DPP10: variants seen among roughly 807,000 people sequenced by gnomAD.
The protein encoded by DPP10 is inactive dipeptidyl peptidase 10.
Under a neutral mutation model 120.9 loss-of-function variants are expected in DPP10, and 33 were observed. The ratio of observed to expected loss-of-function variants is 0.27; its 90% CI spans 0.21 to 0.37. The LOEUF (loss-of-function observed/expected upper bound fraction) is 0.37, where lower values mean the gene tolerates loss of function less well. DPP10 is among the 10% of genes least tolerant of loss of function. DPP10 has a pLI of 1.00. For missense variants in DPP10, 816 were observed against 942.8 expected (o/e 0.87, Z 1.76); for synonymous variants, 337 against 326.1 (o/e 1.03, Z -0.36).
At chr2:115,667,309 T>C (rs1207883321) in intron 5 of DPP10, among the ~76,000 whole-genome samples, 1 of 152,132 alleles carries the variant, frequency 6.6e-6, no homozygotes, top group Non-Finnish European at 1.5e-5. Flanking sequence ...GTTGTTTGTG[T>C]GTGAATAGTT....
At chr2:114,487,597 ATT>A (rs1681623464) in intron 1 of DPP10, among the ~76,000 whole-genome samples, 1 of 152,184 alleles carries the variant, frequency 6.6e-6, no homozygotes, top group African/African-American at 2.4e-5. Flanking sequence ...ATAAAATGTG[ATT>A]TTAAATTTTA....
intron 1 of DPP10, among the ~76,000 whole-genome samples, chr2:114,570,677 A>G (rs1312674031): frequency 6.6e-6 from 1 of 151,248 alleles, no homozygotes; most frequent in Non-Finnish European, 1.5e-5. Context: ...AATACAAAAA[A>G]AAAAAATTAG....
intron 1 of DPP10, among the ~76,000 whole-genome samples, chr2:114,540,163 A>C (rs1354008678): frequency 2.0e-5 from 3 of 152,252 alleles, no homozygotes; most frequent in Admixed American, 6.5e-5. Context: ...TAAGGTATCA[A>C]ATGCAAAGTG....
chr2:114,774,966 A>G (rs1265014288), intron 1 of DPP10, among the ~76,000 whole-genome samples: 3 of 151,938 alleles, frequency 2.0e-5, no homozygotes, highest in Non-Finnish European at 2.9e-5. Context: ...TATTATTCAC[A>G]TTTTAGCGAT....
chr2:115,028,300 T>C (rs1239936880), intron 1 of DPP10, among the ~76,000 whole-genome samples: 1 of 152,100 alleles, frequency 6.6e-6, no homozygotes, highest in African/African-American at 2.4e-5. Context: ...TCCATTTCCA[T>C]GTGGTTCAAG....
chr2:115,202,507 T>G (rs1235857494), intron 1 of DPP10, among the ~76,000 whole-genome samples: 1 of 152,218 alleles, frequency 6.6e-6, no homozygotes, highest in African/African-American at 2.4e-5. Context: ...ATACTTCCAG[T>G]GGACCTACTT....
intron 5 of DPP10, among the ~76,000 whole-genome samples, chr2:115,586,715 C>G (rs1241800541): frequency 6.6e-6 from 1 of 151,856 alleles, no homozygotes; most frequent in African/African-American, 2.4e-5. Flanking sequence ...TACTTGTTTG[C>G]CAATCCTATT....
At chr2:115,461,946 C>T (rs1177008419) in intron 3 of DPP10, among the ~76,000 whole-genome samples, 3 of 152,194 alleles carry the variant, frequency 2.0e-5, no homozygotes, top group East Asian at 3.9e-4. Flanking sequence ...AATGCCCTTT[C>T]GTGTGGACCT....
intron 1 of DPP10, among the ~76,000 whole-genome samples, chr2:115,153,929 A>G (rs1394014981): frequency 6.6e-6 from 1 of 152,116 alleles, no homozygotes; most frequent in Non-Finnish European, 1.5e-5. Flanking sequence ...CTATATTTGT[A>G]TACCCCATCT....
intron 5 of DPP10, among the ~76,000 whole-genome samples, chr2:115,674,731 A>C (rs1048129433): frequency 6.6e-6 from 1 of 152,194 alleles, no homozygotes; most frequent in Non-Finnish European, 1.5e-5. Context: ...TCAGTTCCTT[A>C]CATGTTTGAG....
intron 3 of DPP10, among the ~76,000 whole-genome samples, chr2:115,392,156 G>A (rs1047811245): frequency 1.3e-5 from 2 of 151,816 alleles, no homozygotes; most frequent in Admixed American, 6.6e-5. Flanking sequence ...TTGTCGATGG[G>A]AAATCAATTC....
intron 1 of DPP10, among the ~76,000 whole-genome samples, chr2:114,479,491 C>G (rs114245787): frequency 6.6e-6 from 1 of 151,888 alleles, no homozygotes; most frequent in Non-Finnish European, 1.5e-5. Flanking sequence ...GAAAAGATAG[C>G]CTTTTCAACA....
chr2:115,220,991 AT>A (rs1263080009), intron 1 of DPP10, among the ~76,000 whole-genome samples: 1 of 151,800 alleles, frequency 6.6e-6, no homozygotes, highest in African/African-American at 2.4e-5. Flanking sequence ...TAATCAGTGT[AT>A]TTTGATTATA....
At chr2:115,250,319 C>T (rs1199051370) in intron 1 of DPP10, among the ~76,000 whole-genome samples, 1 of 152,208 alleles carries the variant, frequency 6.6e-6, no homozygotes, top group Non-Finnish European at 1.5e-5. Flanking sequence ...GGAAGCTTCT[C>T]TCCCATAATT....
At chr2:115,678,209 A>G (rs2090410240) in intron 5 of DPP10, among the ~76,000 whole-genome samples, 3 of 152,220 alleles carry the variant, frequency 2.0e-5, no homozygotes, top group South Asian at 2.1e-4. Flanking sequence ...CACCAAGGCA[A>G]TGGGGAAAAT....
Position 114,529,228 on chromosome 2 carries a change from G to A in DPP10, c.60+86390G>A, listed in dbSNP as rs575950334. 7.2e-5 allele frequency among the ~76,000 whole-genome samples: 11 copies of A among 152,200 alleles called. No individual in the cohort carries two copies. In the South Asian group the frequency reaches 2.3e-3, roughly 32 times the overall value. ...TGACTCCTGAATTTTGCTCATATCT[G>A]TGTTAGTGACTCCTTTGCTACATTT... On this transcript the variant is annotated intron_variant, in intron 1 of 25. Coordinates refer to ENST00000410059, the MANE Select transcript of DPP10 (RefSeq NM_020868.6).
At chr2:114,834,183 C>A (rs1053641747) in intron 1 of DPP10, 1 of 151,016 alleles carries the variant, frequency 6.6e-6, no homozygotes, top group East Asian at 2.0e-4. Flanking sequence ...TATCTACACA[C>A]CTATGTATAT....
intron 1 of DPP10, among the ~76,000 whole-genome samples, chr2:115,111,738 A>G (rs2104683668): frequency 6.6e-6 from 1 of 152,344 alleles, no homozygotes; most frequent in Non-Finnish European, 1.5e-5. Flanking sequence ...TTCAGGCCAC[A>G]TGTAATAGGA....
chr2:115,168,797 T>C (rs1216663065), intron 1 of DPP10, among the ~76,000 whole-genome samples: 1 of 152,186 alleles, frequency 6.6e-6, no homozygotes, highest in Non-Finnish European at 1.5e-5. Flanking sequence ...GATTTATGTT[T>C]GTTAAGCTTT....
Sources: gnomAD v4.1 joint callset for allele counts (sites outside exome capture counted in the v4.1 genomes callset) on GRCh38, gnomAD v4.1.1 for gene constraint, MANE v1.5 for transcripts, NCBI Gene and HGNC (gene_info 2026-07-23, HGNC 2026-07-21) for gene names.